The following GAB1 variants were observed in gnomAD, a reference collection of about 807,000 sequenced individuals.
GAB1 encodes the protein GRB2-associated-binding protein 1.
Under a neutral mutation model 66.5 loss-of-function variants are expected in GAB1, and 19 were observed. The observed-to-expected ratio is 0.29, with a 90% CI of 0.20 to 0.42. The LOEUF is 0.42. Among genes scored for constraint, GAB1 ranks in the 10% least tolerant of loss-of-function variants. The pLI, the probability that GAB1 is intolerant of heterozygous loss-of-function variation, is 1.00. For missense variants in GAB1, 732 were observed against 858.5 expected (o/e 0.85, Z 1.84); for synonymous variants, 294 against 301.4 (o/e 0.98, Z 0.25).
intron 2 of GAB1, chr4:143,424,832 G>T: frequency 2.7e-6 from 1 of 371,266 alleles, no homozygotes; most frequent in South Asian, 2.6e-5. Context: ...GCGTGTGCCT[G>T]TAGTCCCAGC....
At chr4:143,346,206 C>T (rs1728988156) in intron 1 of GAB1, among the ~76,000 whole-genome samples, 1 of 152,202 alleles carries the variant, frequency 6.6e-6, no homozygotes, top group Non-Finnish European at 1.5e-5. Context: ...AAACTTTTCT[C>T]TAAAAAGAGA....
At chr4:143,385,906 A>C (rs1578635015) in intron 1 of GAB1, among the ~76,000 whole-genome samples, 1 of 152,182 alleles carries the variant, frequency 6.6e-6, no homozygotes, top group East Asian at 1.9e-4. Context: ...TGGGGAGGTC[A>C]AGGCAGGAGG....
chr4:143,408,118 G>C (rs992641142), intron 1 of GAB1, among the ~76,000 whole-genome samples: 6 of 152,088 alleles, frequency 3.9e-5, no homozygotes, highest in Non-Finnish European at 8.8e-5. Flanking sequence ...TGTCTAGGCT[G>C]TTTCCTGGCT....
intron 1 of GAB1, among the ~76,000 whole-genome samples, chr4:143,348,490 G>A (rs1247082110): frequency 6.6e-6 from 1 of 152,102 alleles, no homozygotes; most frequent in Non-Finnish European, 1.5e-5. Context: ...AAACCCTGTC[G>A]GTTTTACCTT....
At chr4:143,367,533 T>A (rs2149662463) in intron 1 of GAB1, among the ~76,000 whole-genome samples, 1 of 148,108 alleles carries the variant, frequency 6.8e-6, no homozygotes, top group African/African-American at 2.5e-5. Flanking sequence ...CATATTTGGA[T>A]ATGGTCAGTA....
At chr4:143,349,379 C>T (rs776504114) in intron 1 of GAB1, 15 of 1,021,488 alleles carry the variant, frequency 1.5e-5, no homozygotes, top group Non-Finnish European at 2.3e-5. Flanking sequence ...TTGGTAAATA[C>T]AGTCTCTTTC....
intron 1 of GAB1, among the ~76,000 whole-genome samples, chr4:143,369,582 T>C (rs79411017): frequency 0.014 from 2,162 of 152,360 alleles, 17 homozygotes; most frequent in Non-Finnish European, 0.02. Context: ...GTTTGCTGTT[T>C]TATAAACTCA....
At chr4:143,458,732 C>G (rs1239796465) in intron 6 of GAB1, among the ~76,000 whole-genome samples, 1 of 151,876 alleles carries the variant, frequency 6.6e-6, no homozygotes, top group Non-Finnish European at 1.5e-5. Flanking sequence ...TATAATTTAG[C>G]AAGAGATTTG....
In GAB1 at chr4:143,342,543, CTTTTTTTTTTTTTTTTT is replaced by C. The variant is rs5862632; in HGVS notation, c.72+5294_72+5310del. Among the ~76,000 whole-genome samples the C allele has an allele frequency of 6.4e-5, 4 of 62,494 alleles. No homozygotes were observed. The East Asian group carries it at 2.5e-3, about 39-fold the overall frequency. 41.0% of individuals were successfully genotyped at this position (62,494 alleles called of 152,430 possible). A position where few individuals can be genotyped will look rare whatever the true frequency, so the allele number is the denominator to read the frequency against. On this transcript the variant is annotated intron_variant, in intron 1 of 9. Coordinates refer to ENST00000262994, the MANE Select transcript of GAB1 (RefSeq NM_002039.4). ...GAGAAAGTTTCAGAGGTGATAGATT[CTTTTTTTTTTTTTTTTT>C]TTTTTTTTTTGAGATGGAGTTTCGC...
chr4:143,457,744 A>G (rs1248435407), intron 6 of GAB1: 2 of 1,579,976 alleles, frequency 1.3e-6, no homozygotes, highest in East Asian at 4.6e-5. Flanking sequence ...CACAAACCAT[A>G]GGTGACTTTG....
At chr4:143,450,749 G>A (rs949574543) in intron 6 of GAB1, among the ~76,000 whole-genome samples, 2 of 152,102 alleles carry the variant, frequency 1.3e-5, no homozygotes, top group African/African-American at 4.8e-5. Flanking sequence ...AAATTAGCCA[G>A]GCGTGGTGGC....
intron 9 of GAB1, among the ~76,000 whole-genome samples, chr4:143,467,497 C>G (rs567908285): frequency 7.2e-5 from 11 of 152,258 alleles, no homozygotes; most frequent in East Asian, 3.9e-4. Context: ...GGGTCTTTAT[C>G]AAATATGTCT....
intron 1 of GAB1, among the ~76,000 whole-genome samples, chr4:143,413,004 A>G (rs998158592): frequency 2.0e-5 from 3 of 152,228 alleles, no homozygotes; most frequent in African/African-American, 7.2e-5. Flanking sequence ...GATGCTTACA[A>G]TACTTAGTCT....
chr4:143,426,085 G>T (rs1170755061), intron 2 of GAB1: 1 of 525,332 alleles, frequency 1.9e-6, no homozygotes, highest in Non-Finnish European at 3.3e-6. Flanking sequence ...ATTACATGGA[G>T]TATAGTAAAG....
chr4:143,369,250 T>G (rs1730016538), intron 1 of GAB1, among the ~76,000 whole-genome samples: 1 of 152,010 alleles, frequency 6.6e-6, no homozygotes, highest in Non-Finnish European at 1.5e-5. Context: ...CATTTTTTTG[T>G]ATTTTTAGTA....
intron 1 of GAB1, 99 bp from the exon 2 acceptor site, chr4:143,415,378 C>G (rs1283071397): frequency 2.1e-6 from 2 of 949,192 alleles, no homozygotes; most frequent in Non-Finnish European, 3.1e-6. Flanking sequence ...GTGACTTTCT[C>G]TAAACAATGC....
chr4:143,382,807 G>T (rs1322236597), intron 1 of GAB1, among the ~76,000 whole-genome samples: 1 of 152,070 alleles, frequency 6.6e-6, no homozygotes, highest in Non-Finnish European at 1.5e-5. Context: ...TAAATACGTG[G>T]CCTCAGACCC....
At chr4:143,372,347 A>G (rs1334839889) in intron 1 of GAB1, among the ~76,000 whole-genome samples, 1 of 152,156 alleles carries the variant, frequency 6.6e-6, no homozygotes, top group South Asian at 2.1e-4. Flanking sequence ...CACTTATTCA[A>G]CATCTATTTA....
At chr4:143,359,636 T>C (rs1729584276) in intron 1 of GAB1, among the ~76,000 whole-genome samples, 1 of 152,238 alleles carries the variant, frequency 6.6e-6, no homozygotes, top group Non-Finnish European at 1.5e-5. Flanking sequence ...TAAGGCTGTG[T>C]GCCCTGGTCA....
Sources: gnomAD v4.1 joint callset for allele counts (sites outside exome capture counted in the v4.1 genomes callset) on GRCh38, gnomAD v4.1.1 for gene constraint, MANE v1.5 for transcripts, NCBI Gene and HGNC (gene_info 2026-07-23, HGNC 2026-07-21) for gene names.